Variants in USF3 observed in about 807,000 individuals in gnomAD.
USF3 encodes the protein upstream transcription factor family member 3.
Under a neutral mutation model 157.5 loss-of-function variants are expected in USF3, and 29 were observed. The ratio of observed to expected loss-of-function variants is 0.18; its 90% confidence interval spans 0.14 to 0.25. The LOEUF (loss-of-function observed/expected upper bound fraction) is 0.25. Among genes scored for constraint, USF3 ranks in the 10% least tolerant of loss-of-function variants. USF3 has a pLI of 1.00. For synonymous variants in USF3, 893 were observed against 941.4 expected, an observed-to-expected ratio of 0.95 and a Z score of 0.94; for missense variants, 2,381 against 2,667.6, an observed-to-expected ratio of 0.89 and a Z score of 2.37.
chr3:113,682,346 C>CA (rs911743181), intron 1 of USF3, among the ~76,000 whole-genome samples: 3 of 147,304 alleles, frequency 2.0e-5, no homozygotes, highest in African/African-American at 7.5e-5. Context: ...AAAAAACAAA[C>CA]AAACAAAAAA....
chr3:113,662,395 C>G (rs1317705776), intron 6 of USF3, among the ~76,000 whole-genome samples: 1 of 152,160 alleles, frequency 6.6e-6, no homozygotes, highest in Non-Finnish European at 1.5e-5. Flanking sequence ...GCAGGCTTAG[C>G]TGCTGGTATA....
At chr3:113,680,941 G>A (rs1707407559) in intron 1 of USF3, among the ~76,000 whole-genome samples, 1 of 151,714 alleles carries the variant, frequency 6.6e-6, no homozygotes, top group Non-Finnish European at 1.5e-5. Flanking sequence ...AGTTTCTTAA[G>A]ATGTACTGTT....
chr3:113,681,226 G>A (rs886995591), intron 1 of USF3, among the ~76,000 whole-genome samples: 1 of 151,924 alleles, frequency 6.6e-6, no homozygotes, highest in Non-Finnish European at 1.5e-5. Context: ...TGATCTGCCC[G>A]CCTCAACCTC....
intron 4 of USF3, among the ~76,000 whole-genome samples, chr3:113,670,954 A>C (rs1707142481): frequency 6.6e-6 from 1 of 152,078 alleles, no homozygotes; most frequent in Non-Finnish European, 1.5e-5. Context: ...CATGTTGCCT[A>C]GGATGGTCTC....
rs1372947625 is a variant in USF3 at position 113,652,133 on chromosome 3, G to T, written c.*2811C>A. The T allele has an allele frequency of 7.2e-6, 1 of 138,008 alleles. No individual in the cohort carries two copies. The highest frequency in any genetic ancestry group is 2.2e-4 in the South Asian group (1 of 4,456). The allele number at this position is 138,008 out of a possible 1,614,324, so 8.5% of individuals were successfully genotyped here. On this transcript the variant is annotated 3_prime_UTR_variant, in exon 7 of 7. Coordinates refer to ENST00000316407, the MANE Select transcript of USF3 (RefSeq NM_001009899.4). ...AGTGTGTGTGTGTGTGTGTGTGTGT[G>T]TGTGTGTATATGTGTATGAGAGACA...
At chr3:113,676,939 C>T (rs1425363330) in intron 2 of USF3, among the ~76,000 whole-genome samples, 1 of 152,080 alleles carries the variant, frequency 6.6e-6, no homozygotes, top group Non-Finnish European at 1.5e-5. Context: ...CAGCACAAGA[C>T]CACGTTACCT....
intron 4 of USF3, among the ~76,000 whole-genome samples, chr3:113,671,664 G>A (rs1244666951): frequency 6.6e-6 from 1 of 151,970 alleles, no homozygotes; most frequent in Non-Finnish European, 1.5e-5. Flanking sequence ...TCAGTAGCAT[G>A]GGTGTGACGT....
chr3:113,675,177 A>C (rs1004841227), intron 2 of USF3, among the ~76,000 whole-genome samples: 1 of 152,180 alleles, frequency 6.6e-6, no homozygotes, highest in Admixed American at 6.5e-5. Flanking sequence ...TTGGAAATCA[A>C]GAAAAGCTTA....
Position 113,648,811 on chromosome 3 carries a change from T to C in USF3, c.*6133A>G, listed in dbSNP as rs897655309. 5.9e-5 allele frequency: 9 copies of C among 152,504 alleles called. No homozygotes were observed. Among genetic ancestry groups the C allele is most frequent in the African/African-American group, 2.2e-4 (9 of 41,394 alleles). 9.4% of individuals were successfully genotyped at this position (152,504 alleles called of 1,614,324 possible). On this transcript the variant is annotated 3_prime_UTR_variant, in exon 7 of 7. Coordinates refer to ENST00000316407, the MANE Select transcript of USF3 (RefSeq NM_001009899.4). ...GCCCTACAGTAAGCTTCTCACCCAGTGTATCTATAAATAATTTGTGAAGGT... is the reference window on the plus strand; with the variant it reads ...GCCCTACAGTAAGCTTCTCACCCAGCGTATCTATAAATAATTTGTGAAGGT...
At chr3:113,695,695 G>C (rs970583608) in intron 1 of USF3, among the ~76,000 whole-genome samples, 1 of 152,188 alleles carries the variant, frequency 6.6e-6, no homozygotes, top group Non-Finnish European at 1.5e-5. Flanking sequence ...GAGGAGGGTT[G>C]GGAGGACAAG....
intron 5 of USF3, among the ~76,000 whole-genome samples, chr3:113,665,178 G>C (rs1326027183): frequency 6.6e-6 from 1 of 152,182 alleles, no homozygotes; most frequent in Non-Finnish European, 1.5e-5. Flanking sequence ...AGGGAGTCCA[G>C]ACAGCAGGAT....
At position 113,652,084 on chromosome 3, in the gene USF3, GGAGA is replaced by G. The variant is rs746636350; in HGVS notation, c.*2856_*2859del. 1.2e-3 allele frequency: 166 copies of G among 143,392 alleles called. No individual in the cohort carries two copies. The highest frequency in any genetic ancestry group is 2.5e-3 in the African/African-American group (95 of 38,568). 8.9% of individuals were successfully genotyped at this position (143,392 alleles called of 1,614,324 possible). Reference sequence around the variant, plus strand: ...AGTCCTTCAGAACTTAACAGCCACTGGAGAGAGAGAGAGAGAGAGAGAGAGTGTG... The same window carrying G: ...AGTCCTTCAGAACTTAACAGCCACTGGAGAGAGAGAGAGAGAGAGAGTGTG... On this transcript the variant is annotated 3_prime_UTR_variant, in exon 7 of 7. Coordinates refer to ENST00000316407, the MANE Select transcript of USF3 (RefSeq NM_001009899.4).
At position 113,651,199 on chromosome 3, in the gene USF3, G is replaced by T. The variant is rs1411333941; in HGVS notation, c.*3745C>A. Reference sequence around the variant, plus strand: ...TCAATAATGCTAAAAAAGAGACAGAGAAATGATTTAATCAATGACTGTCAC... The same window carrying T: ...TCAATAATGCTAAAAAAGAGACAGATAAATGATTTAATCAATGACTGTCAC... On this transcript the variant is annotated 3_prime_UTR_variant, in exon 7 of 7. Coordinates refer to ENST00000316407, the MANE Select transcript of USF3 (RefSeq NM_001009899.4). 6.6e-6 allele frequency: 1 copy of T among 152,190 alleles called. No individual in the cohort carries two copies. The highest frequency in any genetic ancestry group is 1.5e-5 in the Non-Finnish European group (1 of 68,030). 9.4% of individuals were successfully genotyped at this position (152,190 alleles called of 1,614,324 possible).
At chr3:113,672,211 G>A (rs903749252) in intron 4 of USF3, among the ~76,000 whole-genome samples, 19 of 146,526 alleles carry the variant, frequency 1.3e-4, no homozygotes, top group South Asian at 1.1e-3. Flanking sequence ...GCACGATCTC[G>A]CTTAACTGCA....
intron 1 of USF3, among the ~76,000 whole-genome samples, chr3:113,685,588 TC>T (rs757134154): frequency 1.2e-4 from 18 of 152,054 alleles, no homozygotes; most frequent in Non-Finnish European, 2.5e-4. Context: ...TTCTTCCCTC[TC>T]CTTTTCTCAA....
chr3:113,676,589 G>C (rs1196197908), intron 2 of USF3, among the ~76,000 whole-genome samples: 1 of 152,102 alleles, frequency 6.6e-6, no homozygotes, highest in Non-Finnish European at 1.5e-5. Flanking sequence ...GGGATTATGG[G>C]AACCATAATT....
chr3:113,694,655 AC>A (rs2107968261), intron 1 of USF3, among the ~76,000 whole-genome samples: 1 of 152,346 alleles, frequency 6.6e-6, no homozygotes, highest in East Asian at 1.9e-4. Flanking sequence ...GTCTTGGGCC[AC>A]CCATCAAATA....
At chr3:113,670,587 G>A (rs1209521423) in intron 4 of USF3, among the ~76,000 whole-genome samples, 2 of 151,706 alleles carry the variant, frequency 1.3e-5, no homozygotes, top group African/African-American at 4.8e-5. Context: ...GTGACAGAAC[G>A]AGACTCTGTC....
Position 113,656,543 on chromosome 3 carries a change from A to T in USF3, c.5139T>A (p.Ala1713=). 6.2e-7 allele frequency: 1 copy of T among 1,614,248 alleles called. No homozygotes were observed. ...YLDVPRNKSL[A]IHNMQGRVDH... is the part of the protein sequence containing the mutation. ...CCACACGACCCTGCATATTATGAAT[A>T]GCCAAACTCTTATTTCTGGGAACAT... is the stretch of plus-strand genomic sequence containing the variant. Residue 1713 remains alanine, a synonymous_variant, in exon 7 of 7, where the codon GCT becomes GCA. Transcript: ENST00000316407.
Sources: allele counts gnomAD v4.1 joint callset (sites outside exome capture counted in the v4.1 genomes callset), GRCh38; gene constraint gnomAD v4.1.1; transcripts MANE v1.5; gene names NCBI Gene and HGNC (gene_info 2026-07-23, HGNC 2026-07-21).